PTPRF: variants seen among roughly 807,000 people sequenced by gnomAD.
The protein encoded by PTPRF is receptor-type tyrosine-protein phosphatase F.
A neutral mutation model predicts 201.8 loss-of-function variants in PTPRF; 59 were observed. The ratio of observed to expected loss-of-function variants is 0.29; its 90% CI spans 0.24 to 0.36. The LOEUF (loss-of-function observed/expected upper bound fraction) is 0.36, where lower values mean the gene tolerates loss of function less well. Ranked by LOEUF, PTPRF falls within the 10% of genes least tolerant of loss-of-function variation. The pLI is 1.00. For missense variants in PTPRF, 2,132 were observed against 2,690.5 expected (o/e 0.79, Z 4.59); for synonymous variants, 1,088 against 1,089.7 (o/e 1.00, Z 0.03).
Position 43,603,321 on chromosome 1 carries a change from G to A in PTPRF, c.2341-95G>A, listed in dbSNP as rs1282330798. 6 of 1,114,288 alleles carry A rather than the reference G, an allele frequency of 5.4e-6. No individual in the cohort carries two copies. Among genetic ancestry groups the A allele is most frequent in the South Asian group, 1.3e-5 (1 of 77,714 alleles). The allele number at this position is 1,114,288 out of a possible 1,614,324, so 69.0% of individuals were successfully genotyped here. On this transcript the variant is annotated intron_variant, in intron 14 of 33. Coordinates refer to ENST00000359947, the MANE Select transcript of PTPRF (RefSeq NM_002840.5). This position sits in a 1 kb window ranked among gnomAD's most constrained non-coding sequence, Gnocchi z 5.8. ...CACAACCCCTGGCCTTGTGTGCCCC[G>A]GGGCTCCCCTCAGGCTAGGGTCCTG...
intron 16 of PTPRF, 118 bp downstream of exon 16, chr1:43,604,307 C>T: frequency 2.9e-6 from 3 of 1,043,748 alleles, no homozygotes; most frequent in Non-Finnish European, 4.1e-6. Flanking sequence ...GTGTGACCTC[C>T]AATCTCTCAT....
At chr1:43,577,354 G>A (rs1646995319) in intron 6 of PTPRF, among the ~76,000 whole-genome samples, 1 of 152,230 alleles carries the variant, frequency 6.6e-6, no homozygotes, top group Non-Finnish European at 1.5e-5. Flanking sequence ...ATGGTATTTG[G>A]CATGTGCACT....
At chr1:43,586,627 C>A (rs1158058648) in intron 7 of PTPRF, among the ~76,000 whole-genome samples, 1 of 152,232 alleles carries the variant, frequency 6.6e-6, no homozygotes, top group Non-Finnish European at 1.5e-5. Context: ...ACAAGGAAGT[C>A]CTGTGTTACA....
intron 1 of PTPRF, among the ~76,000 whole-genome samples, chr1:43,531,507 C>G (rs1478656584): frequency 2.0e-5 from 3 of 147,622 alleles, no homozygotes; most frequent in Admixed American, 2.0e-4. Context: ...GGCCCTCAGA[C>G]CCCCCAGCCC....
chr1:43,530,091 G>A (rs1404775140), upstream of PTPRF, among the ~76,000 whole-genome samples: 1 of 151,930 alleles, frequency 6.6e-6, no homozygotes, highest in Non-Finnish European at 1.5e-5. The surrounding 1 kb of genome is among the most constrained non-coding windows in gnomAD (Gnocchi z 4.1). Context: ...TATTAAAGCT[G>A]GGTTGGTTTA....
chr1:43,606,835 T>C lies in PTPRF; in HGVS notation c.3724T>C (p.Tyr1242His). The change falls in exon 21 of 34, where the codon TAC becomes CAC. Residue 1242 changes from tyrosine to histidine, a missense_variant. Transcript: ENST00000359947. Reference protein sequence around the residue: ...MDQKRYASSPYSDEIVVQVTP... With the variant: ...MDQKRYASSPHSDEIVVQVTP... The stretch of plus-strand genomic sequence containing the variant: ...ACAGAAGCGCTATGCCTCCAGCCCC[T>C]ACTCGGATGAGATCGTGGTCCAGGT... 6.2e-7 allele frequency: 1 copy of C among 1,613,936 alleles called. No homozygotes were observed.
chr1:43,568,718 A>T lies in PTPRF; in HGVS notation c.380-872A>T, dbSNP rs1570080743. Among the ~76,000 whole-genome samples, 5 of 152,060 alleles carry T rather than the reference A, an allele frequency of 3.3e-5. No homozygotes were observed. The East Asian group carries it at 9.7e-4, about 30-fold the overall frequency. On this transcript the variant is annotated intron_variant, in intron 5 of 33. Coordinates refer to ENST00000359947, the MANE Select transcript of PTPRF (RefSeq NM_002840.5). ...CTTGCCCTGCAGCCCCTCGGGGCTG[A>T]TATGGGAGCCCATGTACAGTGGGAG...
intron 5 of PTPRF, among the ~76,000 whole-genome samples, chr1:43,568,050 C>T (rs949866515): frequency 2.6e-5 from 4 of 152,106 alleles, no homozygotes; most frequent in African/African-American, 9.7e-5. Context: ...AATCCCAGCA[C>T]TTTGGGAGGC....
intron 5 of PTPRF, among the ~76,000 whole-genome samples, chr1:43,566,363 A>AC (rs1269038821): frequency 6.6e-6 from 1 of 152,222 alleles, no homozygotes; most frequent in Non-Finnish European, 1.5e-5. Flanking sequence ...TTAACATAGT[A>AC]CCTGGAACCT....
At chr1:43,590,792 G>A (rs1395784519) in intron 8 of PTPRF, among the ~76,000 whole-genome samples, 180 bp from the exon 9 acceptor site, 1 of 152,220 alleles carries the variant, frequency 6.6e-6, no homozygotes, top group Non-Finnish European at 1.5e-5. Flanking sequence ...CCTGGCCACT[G>A]TCCCTCACTT....
intron 12 of PTPRF, chr1:43,598,456 C>T: frequency 1.9e-6 from 1 of 516,946 alleles, no homozygotes; most frequent in East Asian, 3.2e-5. Context: ...TGCCCCACCT[C>T]CACCTGTTCC....
intron 21 of PTPRF, among the ~76,000 whole-genome samples, chr1:43,608,981 C>T (rs1655810698): frequency 6.6e-6 from 1 of 152,158 alleles, no homozygotes; most frequent in African/African-American, 2.4e-5. Context: ...AGCTGGGGCC[C>T]TGTCTCCTGT....
intron 5 of PTPRF, among the ~76,000 whole-genome samples, chr1:43,558,696 C>T (rs564427907): frequency 3.9e-5 from 6 of 152,326 alleles, no homozygotes; most frequent in Non-Finnish European, 5.9e-5. Context: ...CCCTCCAACC[C>T]GCCCGCTGCC....
In PTPRF at chr1:43,591,819, C is replaced by A. The variant is rs757711082; in HGVS notation, c.1539C>A (p.Ala513=). The A allele has an allele frequency of 6.2e-7, 1 of 1,613,180 alleles. No homozygotes were observed. The highest frequency in any genetic ancestry group is 8.5e-7 in the Non-Finnish European group (1 of 1,179,974). Residue 513 remains alanine, a synonymous_variant, in exon 10 of 34, where the codon GCC becomes GCA. Transcript: ENST00000359947. Reference sequence around the variant, plus strand: ...TGGTGTGGGGTGTTGCAGTGCCTGCCCAGCCCGCGGACTTCCAGGCCGAGG... The same window carrying A: ...TGGTGTGGGGTGTTGCAGTGCCTGCACAGCCCGCGGACTTCCAGGCCGAGG... ...IQVKTQQGVP[A]QPADFQAEVE...
rs1307483957 is a variant in PTPRF at position 43,602,155 on chromosome 1, G to A, written c.2340+58G>A. Reference sequence around the variant, plus strand: ...ATGGGTCAAGCTGGGCTCGTGGGACGCTCCTCCTCTCCCTCCTTTCCTGCT... The same window carrying A: ...ATGGGTCAAGCTGGGCTCGTGGGACACTCCTCCTCTCCCTCCTTTCCTGCT... On this transcript the variant is annotated intron_variant, in intron 14 of 33. Transcript: ENST00000359947. The A allele has an allele frequency of 2.8e-5, 43 of 1,552,814 alleles. No individual in the cohort carries two copies. The East Asian group carries it at 4.5e-4, about 16-fold the overall frequency.
At chr1:43,614,605 C>T (rs900213859) in intron 23 of PTPRF, among the ~76,000 whole-genome samples, 4 of 152,180 alleles carry the variant, frequency 2.6e-5, no homozygotes, top group African/African-American at 7.2e-5. Flanking sequence ...AATCCCAGCA[C>T]TTTGGGAGGC....
chr1:43,540,749 C>T (rs1570923914), intron 2 of PTPRF, among the ~76,000 whole-genome samples: 2 of 152,230 alleles, frequency 1.3e-5, no homozygotes, highest in South Asian at 4.1e-4. Context: ...CTGTTCCTGG[C>T]TCTGCTCACG....
At chr1:43,601,743 C>G (rs989658801) in intron 13 of PTPRF, among the ~76,000 whole-genome samples, 27 of 152,222 alleles carry the variant, frequency 1.8e-4, no homozygotes, top group Non-Finnish European at 3.8e-4. Context: ...GGCAGCCTCT[C>G]CCTCCCAGCA....
chr1:43,610,495 G>A (rs1411133566), intron 22 of PTPRF, among the ~76,000 whole-genome samples: 1 of 152,256 alleles, frequency 6.6e-6, no homozygotes, highest in African/African-American at 2.4e-5. Context: ...TCAGCCGGAA[G>A]ACTTGAAGGC....
Sources: allele counts gnomAD v4.1 joint callset (sites outside exome capture counted in the v4.1 genomes callset), GRCh38; gene constraint gnomAD v4.1.1; non-coding constraint Gnocchi (gnomAD v3.1); transcripts MANE v1.5; gene names NCBI Gene and HGNC (gene_info 2026-07-23, HGNC 2026-07-21).